Variants in COMMD1 observed in about 807,000 individuals in gnomAD.
COMMD1 encodes COMM domain-containing protein 1.
Under a neutral mutation model 17.2 loss-of-function variants are expected in COMMD1, and 10 were observed. The observed-to-expected ratio is 0.58, with a 90% CI of 0.36 to 0.99. COMMD1 has a LOEUF of 0.99. Ranked by LOEUF, COMMD1 falls within the 50% of genes least tolerant of loss-of-function variation. The pLI is 0.01. For synonymous variants in COMMD1, 97 were observed against 91.6 expected (o/e 1.06, Z -0.34); for missense variants, 270 against 231.8 (o/e 1.17, Z -1.07).
intron 2 of COMMD1, among the ~76,000 whole-genome samples, chr2:62,064,018 G>C (rs1670957086): frequency 6.6e-6 from 1 of 150,424 alleles, no homozygotes; most frequent in East Asian, 1.9e-4. Flanking sequence ...CTGTATGCCA[G>C]CTTGAGTGAC....
At position 62,006,112 on chromosome 2, in the gene COMMD1, G is replaced by A. The variant is rs1380596379; in HGVS notation, c.462+5130G>A. ...TCGCAAGGACAAAAAACCAAACACC[G>A]CATGTTCTCACTCATAGGTGGGAAT... On this transcript the variant is annotated intron_variant, in intron 2 of 2. Transcript: ENST00000311832. Among the ~76,000 whole-genome samples, 888 of 145,408 alleles carry A rather than the reference G, an allele frequency of 6.1e-3. 9 individuals carry two copies. Among genetic ancestry groups the A allele is most frequent in the African/African-American group, 0.021 (823 of 39,340 alleles).
intron 2 of COMMD1, among the ~76,000 whole-genome samples, chr2:62,082,814 G>A (rs931803093): frequency 2.0e-5 from 3 of 152,148 alleles, no homozygotes; most frequent in Non-Finnish European, 2.9e-5. Context: ...TTGGTTTTAA[G>A]CTTTAGCTTT....
intron 1 of COMMD1, among the ~76,000 whole-genome samples, chr2:61,938,259 T>C (rs1217539191): frequency 6.8e-6 from 1 of 147,948 alleles, no homozygotes; most frequent in African/African-American, 2.6e-5. Flanking sequence ...AGCAGCTTCC[T>C]GGGCATGCGT....
chr2:62,101,285 G>C (rs185474186), intron 2 of COMMD1, among the ~76,000 whole-genome samples: 38 of 152,200 alleles, frequency 2.5e-4, no homozygotes, highest in Non-Finnish European at 1.3e-4. Flanking sequence ...GACCCCACAG[G>C]TCTTAACCCC....
At chr2:61,996,037 G>C (rs889632375) in intron 1 of COMMD1, among the ~76,000 whole-genome samples, 1 of 152,068 alleles carries the variant, frequency 6.6e-6, no homozygotes, top group African/African-American at 2.4e-5. Context: ...TAAGAACACT[G>C]TGTCTTTAAA....
chr2:62,020,870 G>A (rs1026363937), intron 2 of COMMD1, among the ~76,000 whole-genome samples: 2 of 152,124 alleles, frequency 1.3e-5, no homozygotes, highest in Admixed American at 6.6e-5. Flanking sequence ...AGGCGTCATG[G>A]CGCATGCCTG....
intron 2 of COMMD1, among the ~76,000 whole-genome samples, chr2:62,107,475 T>C (rs1340288404): frequency 1.3e-5 from 2 of 152,234 alleles, no homozygotes; most frequent in East Asian, 3.8e-4. Flanking sequence ...CTGTTGTACC[T>C]GGTTGAAGAC....
chr2:61,930,617 TTGTG>T (rs59488185), intron 1 of COMMD1, among the ~76,000 whole-genome samples: 33,194 of 146,010 alleles, frequency 0.23, 4,206 homozygotes, highest in East Asian at 0.44. Flanking sequence ...CCACAGGGTT[TTGTG>T]TGTGTGTGTG....
chr2:61,995,205 C>G (rs912458471), intron 1 of COMMD1, among the ~76,000 whole-genome samples: 6 of 152,192 alleles, frequency 3.9e-5, no homozygotes, highest in African/African-American at 1.4e-4. Context: ...CTGCCTCAGC[C>G]TCTGGAGTAG....
At chr2:62,038,414 T>C (rs897135735) in intron 2 of COMMD1, among the ~76,000 whole-genome samples, 3 of 152,182 alleles carry the variant, frequency 2.0e-5, no homozygotes, top group Non-Finnish European at 4.4e-5. Flanking sequence ...AAATTGAAAA[T>C]GGCTTTGAAT....
At chr2:61,908,477 A>G (rs1669827140) in intron 1 of COMMD1, among the ~76,000 whole-genome samples, 1 of 151,022 alleles carries the variant, frequency 6.6e-6, no homozygotes, top group Admixed American at 6.6e-5. Context: ...TGCCTGCCTC[A>G]GCCTCCCAAA....
At chr2:62,090,558 A>T (rs142868107) in intron 2 of COMMD1, 41 of 152,350 alleles carry the variant, frequency 2.7e-4, no homozygotes, top group African/African-American at 9.1e-4. Flanking sequence ...ACAGTGGACA[A>T]ATCTATTTTT....
chr2:61,949,656 TTAAAA>T (rs10610476), intron 1 of COMMD1, among the ~76,000 whole-genome samples: 23,114 of 151,972 alleles, frequency 0.15, 1,757 homozygotes, highest in East Asian at 0.21. Flanking sequence ...GCAGATTCAG[TTAAAA>T]TAAAAAAAAG....
At chr2:62,077,740 C>T (rs1037847122) in intron 2 of COMMD1, among the ~76,000 whole-genome samples, 1 of 152,064 alleles carries the variant, frequency 6.6e-6, no homozygotes, top group Non-Finnish European at 1.5e-5. Context: ...TGACACAGCT[C>T]TCAGAAGGTC....
At chr2:62,025,890 C>T (rs1326183813) in intron 2 of COMMD1, among the ~76,000 whole-genome samples, 1 of 151,890 alleles carries the variant, frequency 6.6e-6, no homozygotes, top group Non-Finnish European at 1.5e-5. Flanking sequence ...GGTGGGGTTT[C>T]GCCATGTTGG....
intron 1 of COMMD1, among the ~76,000 whole-genome samples, chr2:61,927,952 A>T (rs1401946744): frequency 1.3e-5 from 2 of 151,746 alleles, no homozygotes; most frequent in East Asian, 3.9e-4. Context: ...TTTAGTAGAG[A>T]TGGGGTTTCA....
In COMMD1 at chr2:62,085,147, CTG is replaced by C. The variant is rs994989008; in HGVS notation, c.463-50682_463-50681del. ...CAAAGGTGGGGACGAATTTTAAAAACTGTTTCTGAATCTTTCTAACTCTCTTA... is the reference window on the plus strand; with the variant it reads ...CAAAGGTGGGGACGAATTTTAAAAACTTTCTGAATCTTTCTAACTCTCTTA... On this transcript the variant is annotated intron_variant, in intron 2 of 2. Coordinates refer to ENST00000311832, the MANE Select transcript of COMMD1 (RefSeq NM_152516.4). Among the ~76,000 whole-genome samples, 6 of 152,082 alleles carry C rather than the reference CTG, an allele frequency of 3.9e-5. No individual in the cohort carries two copies. The South Asian group carries it at 6.2e-4, about 16-fold the overall frequency.
intron 1 of COMMD1, among the ~76,000 whole-genome samples, chr2:61,986,322 T>G (rs1263047826): frequency 6.6e-6 from 1 of 152,096 alleles, no homozygotes; most frequent in African/African-American, 2.4e-5. Flanking sequence ...TATTCTTGAC[T>G]TTCAGGAGTG....
intron 2 of COMMD1, among the ~76,000 whole-genome samples, chr2:62,047,718 G>T (rs901803338): frequency 2.0e-5 from 3 of 152,150 alleles, no homozygotes; most frequent in Non-Finnish European, 4.4e-5. Flanking sequence ...CTCCCAAGGT[G>T]CTGGGATTAC....
Sources: allele counts gnomAD v4.1 joint callset (sites outside exome capture counted in the v4.1 genomes callset), GRCh38; gene constraint gnomAD v4.1.1; transcripts MANE v1.5; gene names NCBI Gene and HGNC (gene_info 2026-07-23, HGNC 2026-07-21).